The following SMYD3 variants were observed in gnomAD, a reference collection of about 807,000 sequenced individuals.
SMYD3 encodes histone-lysine N-methyltransferase SMYD3.
In SMYD3, 36 loss-of-function variants were observed where a neutral mutation model predicts 57.7. The ratio of observed to expected loss-of-function variants is 0.62; its 90% CI spans 0.48 to 0.82. The LOEUF is 0.82. Ranked by LOEUF, SMYD3 falls within the 40% of genes least tolerant of loss-of-function variation. The probability of loss-of-function intolerance (pLI) is 0.00; values close to 1 mark genes in which losing one functional copy is unlikely to be tolerated. For missense variants in SMYD3, 515 were observed against 538.8 expected, an observed-to-expected ratio of 0.96 and a Z score of 0.44; for synonymous variants, 211 against 195.0, an observed-to-expected ratio of 1.08 and a Z score of -0.68.
chr1:246,467,178 T>A (rs183435137), intron 1 of SMYD3, among the ~76,000 whole-genome samples: 2,469 of 151,866 alleles, frequency 0.016, 31 homozygotes, highest in Non-Finnish European at 0.024. Context: ...TCAAAAAAAA[T>A]AAATAAATAA....
intron 8 of SMYD3, among the ~76,000 whole-genome samples, chr1:245,888,008 C>T (rs77034018): frequency 0.03 from 4,514 of 152,226 alleles, 118 homozygotes; most frequent in Non-Finnish European, 0.041. Context: ...ATATAAGACG[C>T]CTTATTTCCA....
intron 11 of SMYD3, among the ~76,000 whole-genome samples, chr1:245,759,144 T>G (rs906107198): frequency 7.2e-5 from 11 of 152,210 alleles, no homozygotes; most frequent in Admixed American, 6.5e-4. Context: ...TTTTCTTATC[T>G]TTTCTCTTTT....
intron 5 of SMYD3, among the ~76,000 whole-genome samples, chr1:246,005,206 A>G (rs1328206430): frequency 6.6e-6 from 1 of 152,170 alleles, no homozygotes; most frequent in Non-Finnish European, 1.5e-5. Flanking sequence ...ACAAAGAAAA[A>G]CCTCAAAAAT....
At position 245,757,137 on chromosome 1, in the gene SMYD3, C is replaced by T. The variant is rs557539255; in HGVS notation, c.1185+6904G>A. Among the ~76,000 whole-genome samples the T allele has an allele frequency of 1.1e-4, 16 of 152,124 alleles. No individual in the cohort carries two copies. The South Asian group carries it at 1.7e-3, about 16-fold the overall frequency. Reference sequence around the variant, plus strand: ...CTGTGTACCCATTAAACAATAGCTTCCCATCCCCTCCTCCCTTCACACTCT... The same window carrying T: ...CTGTGTACCCATTAAACAATAGCTTTCCATCCCCTCCTCCCTTCACACTCT... On this transcript the variant is annotated intron_variant, in intron 11 of 11. Transcript: ENST00000490107.
intron 10 of SMYD3, among the ~76,000 whole-genome samples, chr1:245,822,731 G>A (rs1483136089): frequency 6.6e-6 from 1 of 152,098 alleles, no homozygotes; most frequent in African/African-American, 2.4e-5. Flanking sequence ...CTCTCATCCA[G>A]TGACTCTAGT....
chr1:246,427,445 G>A (rs376035521), intron 1 of SMYD3, among the ~76,000 whole-genome samples: 3,298 of 150,748 alleles, frequency 0.022, 78 homozygotes, highest in African/African-American at 0.06. Context: ...GCGTGAACCC[G>A]GGAGGCGGAG....
At chr1:245,951,042 T>G (rs2147942370) in intron 5 of SMYD3, among the ~76,000 whole-genome samples, 1 of 152,226 alleles carries the variant, frequency 6.6e-6, no homozygotes, top group East Asian at 1.9e-4. Context: ...GCTCTCAAGA[T>G]CACAGGACAT....
At chr1:246,265,629 AAAC>A (rs1387273356) in intron 5 of SMYD3, among the ~76,000 whole-genome samples, 1 of 152,178 alleles carries the variant, frequency 6.6e-6, no homozygotes, top group African/African-American at 2.4e-5. Context: ...AGTATAAACA[AAAC>A]AACAATAAAA....
intron 5 of SMYD3, among the ~76,000 whole-genome samples, chr1:246,089,287 C>T (rs1558218165): frequency 1.3e-5 from 2 of 152,126 alleles, no homozygotes; most frequent in Admixed American, 1.3e-4. Flanking sequence ...CCACTCGACC[C>T]TACTTTTAGA....
At chr1:246,227,342 G>A (rs1424479766) in intron 5 of SMYD3, among the ~76,000 whole-genome samples, 6 of 152,224 alleles carry the variant, frequency 3.9e-5, no homozygotes, top group Admixed American at 1.3e-4. Context: ...TTGGCCGGGT[G>A]CGGCGGCTCA....
In SMYD3 at chr1:246,092,076, C is replaced by A. The variant is rs143075626; in HGVS notation, c.532-162139G>T. 3.0e-3 allele frequency among the ~76,000 whole-genome samples: 452 copies of A among 152,112 alleles called. 2 individuals carry two copies. Among genetic ancestry groups the A allele is most frequent in the Non-Finnish European group, 4.9e-3 (335 of 67,996 alleles). On this transcript the variant is annotated intron_variant, in intron 5 of 11. Transcript: ENST00000490107. ...ATTATATAAGATTCTGTTATCCATT[C>A]AAATCTTACTTTAAGAAAAAAGTCA... is the stretch of plus-strand genomic sequence containing the variant.
intron 5 of SMYD3, among the ~76,000 whole-genome samples, chr1:246,126,228 G>C (rs1284020734): frequency 6.6e-6 from 1 of 152,140 alleles, no homozygotes; most frequent in Non-Finnish European, 1.5e-5. Flanking sequence ...GGGGTACTAG[G>C]GACCATTTTC....
rs2067708828 is a variant in SMYD3, at chr1:246,457,014, C to T, written c.164+50040G>A. ...CAAAGAATATCGAATTTAAGTTCTC[C>T]TTTGTGCTTTCACTTCTACAGCCTT... On this transcript the variant is annotated intron_variant, in intron 1 of 11. Coordinates refer to ENST00000490107, the MANE Select transcript of SMYD3 (RefSeq NM_001167740.2). Among the ~76,000 whole-genome samples, 4 of 152,162 alleles carry T rather than the reference C, an allele frequency of 2.6e-5. No homozygotes were observed. In the South Asian group the frequency reaches 8.3e-4, roughly 31 times the overall value.
At chr1:246,251,128 G>A (rs1327686437) in intron 5 of SMYD3, among the ~76,000 whole-genome samples, 1 of 152,156 alleles carries the variant, frequency 6.6e-6, no homozygotes, top group Non-Finnish European at 1.5e-5. Context: ...AAAGAAAATG[G>A]ACAGACAGAA....
At chr1:246,178,830 A>G (rs2062480508) in intron 5 of SMYD3, 1 of 152,208 alleles carries the variant, frequency 6.6e-6, no homozygotes, top group African/African-American at 2.4e-5. Flanking sequence ...TGACCAAAAA[A>G]AAAAACCCAT....
chr1:246,051,183 T>C (rs2148326891), intron 5 of SMYD3, among the ~76,000 whole-genome samples: 1 of 149,576 alleles, frequency 6.7e-6, no homozygotes, highest in Admixed American at 6.7e-5. Context: ...CAGGCTGGAG[T>C]ATAATGGCGC....
intron 10 of SMYD3, among the ~76,000 whole-genome samples, chr1:245,780,511 G>A (rs1326680257): frequency 1.3e-5 from 2 of 152,114 alleles, no homozygotes; most frequent in Non-Finnish European, 2.9e-5. Context: ...AACTAGATTA[G>A]TAGTTTCCAT....
At chr1:246,014,159 C>T (rs1233541906) in intron 5 of SMYD3, among the ~76,000 whole-genome samples, 2 of 152,156 alleles carry the variant, frequency 1.3e-5, no homozygotes, top group Non-Finnish European at 2.9e-5. Flanking sequence ...CCCGTCTCTA[C>T]TAAAAATACA....
At chr1:246,052,855 C>T (rs890525189) in intron 5 of SMYD3, 5 of 152,198 alleles carry the variant, frequency 3.3e-5, no homozygotes, top group African/African-American at 1.2e-4. Flanking sequence ...GCACTTTGTA[C>T]TTTGCCTGTC....
Sources: allele counts gnomAD v4.1 joint callset (sites outside exome capture counted in the v4.1 genomes callset), GRCh38; gene constraint gnomAD v4.1.1; transcripts MANE v1.5; gene names NCBI Gene and HGNC (gene_info 2026-07-23, HGNC 2026-07-21).